Variants in PDE4D observed in about 807,000 individuals in gnomAD.
PDE4D encodes the protein 3',5'-cyclic-AMP phosphodiesterase 4D.
In PDE4D, 24 loss-of-function variants were observed where a neutral mutation model predicts 87.4. That is an observed-to-expected ratio of 0.27 (90% CI 0.20 to 0.39). The LOEUF (loss-of-function observed/expected upper bound fraction) is 0.39. Ranked by LOEUF, PDE4D falls within the 10% of genes least tolerant of loss-of-function variation. The probability of loss-of-function intolerance (pLI) is 1.00; values close to 1 mark genes in which losing one functional copy is unlikely to be tolerated. For synonymous variants in PDE4D, 384 were observed against 383.2 expected (o/e 1.00, Z -0.02); for missense variants, 714 against 1,041.0 (o/e 0.69, Z 4.32).
intron 1 of PDE4D, among the ~76,000 whole-genome samples, chr5:59,776,298 C>A (rs1322649345): frequency 6.6e-6 from 1 of 152,066 alleles, no homozygotes; most frequent in East Asian, 1.9e-4. Flanking sequence ...TATAACTTAA[C>A]TAAGGTTTAA....
At chr5:59,199,911 T>G (rs1318274427) in intron 2 of PDE4D, among the ~76,000 whole-genome samples, 1 of 151,894 alleles carries the variant, frequency 6.6e-6, no homozygotes, top group African/African-American at 2.4e-5. Context: ...CATATATGCA[T>G]GTATATATAC....
At position 58,969,722 on chromosome 5, in the gene PDE4D, T is replaced by C. The variant is rs1419074074; in HGVS notation, c.*4942A>G. The C allele has an allele frequency of 6.6e-6, 1 of 152,174 alleles. No individual in the cohort carries two copies. Among genetic ancestry groups the C allele is most frequent in the Non-Finnish European group, 1.5e-5 (1 of 68,032 alleles). 9.4% of individuals were successfully genotyped at this position (152,174 alleles called of 1,614,324 possible). ...AACACTGTGTCTCATTAACTTATTG[T>C]TGAGTCCTTAAAACTTTGTAGTTTG... On this transcript the variant is annotated 3_prime_UTR_variant, in exon 15 of 15. Coordinates refer to ENST00000340635, the MANE Select transcript of PDE4D (RefSeq NM_001104631.2).
intron 1 of PDE4D, among the ~76,000 whole-genome samples, chr5:59,328,175 A>G (rs1776052556): frequency 6.6e-6 from 1 of 152,228 alleles, no homozygotes; most frequent in East Asian, 1.9e-4. Context: ...AATTATATAG[A>G]CTCTGAAGAC....
At chr5:59,051,099 C>G in intron 5 of PDE4D, among the ~76,000 whole-genome samples, 1 of 152,230 alleles carries the variant, frequency 6.6e-6, no homozygotes, top group East Asian at 1.9e-4. Flanking sequence ...AGACCAGGCA[C>G]AGTGGCTTAC....
chr5:59,482,374 C>T (rs1804426798), intron 1 of PDE4D, among the ~76,000 whole-genome samples: 1 of 152,150 alleles, frequency 6.6e-6, no homozygotes, highest in African/African-American at 2.4e-5. Context: ...ATGAGAAGAG[C>T]CACTTATTGT....
At chr5:60,145,612 A>T (rs761110361) in intron 2 of PDE4D, among the ~76,000 whole-genome samples, 3 of 152,168 alleles carry the variant, frequency 2.0e-5, no homozygotes, top group Non-Finnish European at 4.4e-5. Flanking sequence ...TCATTTCCAC[A>T]CATCCTTTGA....
chr5:59,224,883 T>G (rs539042482), intron 1 of PDE4D, among the ~76,000 whole-genome samples: 4 of 152,304 alleles, frequency 2.6e-5, no homozygotes, highest in African/African-American at 9.6e-5. Context: ...GGTCTTGGAC[T>G]TCTCAGCATC....
intron 1 of PDE4D, among the ~76,000 whole-genome samples, chr5:59,585,228 C>T (rs1824921006): frequency 1.3e-5 from 2 of 152,294 alleles, no homozygotes; most frequent in Non-Finnish European, 1.5e-5. Context: ...GGATGCCTCC[C>T]ATCCTTCTCT....
At chr5:59,909,929 A>G (rs1010775191) in intron 3 of PDE4D, among the ~76,000 whole-genome samples, 3 of 152,156 alleles carry the variant, frequency 2.0e-5, no homozygotes, top group African/African-American at 7.2e-5. Context: ...TAAAGATGAC[A>G]AACGAATTCC....
rs560512962 is a variant in PDE4D at position 59,503,379 on chromosome 5, C to T, written c.456-287411G>A. On this transcript the variant is annotated intron_variant, in intron 1 of 14. Coordinates refer to ENST00000340635, the MANE Select transcript of PDE4D (RefSeq NM_001104631.2). ...GAGGCAGCTTTATTCAATGGAAGTGCTCTCACTGCTGGTTCACAGCAAAGG... is the reference window on the plus strand; with the variant it reads ...GAGGCAGCTTTATTCAATGGAAGTGTTCTCACTGCTGGTTCACAGCAAAGG... Among the ~76,000 whole-genome samples the T allele has an allele frequency of 2.0e-5, 3 of 152,300 alleles. No individual in the cohort carries two copies. The South Asian group carries it at 6.2e-4, about 32-fold the overall frequency.
intron 1 of PDE4D, among the ~76,000 whole-genome samples, chr5:59,406,709 A>G (rs1267266964): frequency 6.6e-6 from 1 of 151,942 alleles, no homozygotes; most frequent in Non-Finnish European, 1.5e-5. Flanking sequence ...TTCATCTCTG[A>G]TTTTATTTAT....
At chr5:59,943,347 T>C (rs1757383288) in intron 3 of PDE4D, among the ~76,000 whole-genome samples, 1 of 152,128 alleles carries the variant, frequency 6.6e-6, no homozygotes, top group Non-Finnish European at 1.5e-5. Flanking sequence ...GTCCTTCTGC[T>C]GTACTCCCAA....
chr5:60,503,333 A>G (rs944051494), intron 1 of PDE4D, among the ~76,000 whole-genome samples: 8 of 152,102 alleles, frequency 5.3e-5, no homozygotes, highest in Admixed American at 3.9e-4. Flanking sequence ...CACTACAAGA[A>G]CACCAACATT....
intron 1 of PDE4D, among the ~76,000 whole-genome samples, chr5:59,535,547 C>G (rs1327757146): frequency 3.3e-5 from 5 of 152,172 alleles, no homozygotes; most frequent in African/African-American, 1.2e-4. Context: ...GTACATCAAG[C>G]TGATACCTAT....
chr5:59,566,519 T>G (rs1820910871), intron 1 of PDE4D, among the ~76,000 whole-genome samples: 1 of 150,146 alleles, frequency 6.7e-6, no homozygotes, highest in Non-Finnish European at 1.5e-5. Context: ...TAGCATCTGA[T>G]CCAGTCACAG....
chr5:59,595,465 C>T (rs754060112), intron 1 of PDE4D, among the ~76,000 whole-genome samples: 4 of 152,152 alleles, frequency 2.6e-5, no homozygotes, highest in Non-Finnish European at 5.9e-5. Context: ...TTCCTCCCCT[C>T]CAGGAATAGT....
At chr5:59,871,112 T>C (rs976146483) in intron 1 of PDE4D, among the ~76,000 whole-genome samples, 2 of 152,168 alleles carry the variant, frequency 1.3e-5, no homozygotes, top group Non-Finnish European at 2.9e-5. Flanking sequence ...CAGTGGAATA[T>C]GGCAAAGTTA....
intron 1 of PDE4D, among the ~76,000 whole-genome samples, chr5:59,444,173 T>C (rs892255490): frequency 6.6e-6 from 1 of 152,222 alleles, no homozygotes; most frequent in African/African-American, 2.4e-5. Flanking sequence ...TATTCATACT[T>C]ACAGCATAGT....
intron 1 of PDE4D, among the ~76,000 whole-genome samples, chr5:59,752,802 A>G (rs537329159): frequency 5.5e-4 from 83 of 152,248 alleles, no homozygotes; most frequent in African/African-American, 1.9e-3. Flanking sequence ...TCGGCTTCAA[A>G]ACGAAGGATG....
Sources: allele counts gnomAD v4.1 joint callset (sites outside exome capture counted in the v4.1 genomes callset), GRCh38; gene constraint gnomAD v4.1.1; transcripts MANE v1.5; gene names NCBI Gene and HGNC (gene_info 2026-07-23, HGNC 2026-07-21).